Variants in TXNDC12 observed in about 807,000 individuals in gnomAD.
TXNDC12 encodes thioredoxin domain containing 12, also known as thioredoxin domain-containing protein 12.
A neutral mutation model predicts 24.2 loss-of-function variants in TXNDC12; 22 were observed. That is an observed-to-expected ratio of 0.91 (90% CI 0.65 to 1.30). The LOEUF (loss-of-function observed/expected upper bound fraction) is 1.30, where lower values mean the gene tolerates loss of function less well. Ranked by LOEUF, TXNDC12 falls within the 50% of genes most tolerant of loss-of-function variation. The pLI is 0.00. For synonymous variants in TXNDC12, 58 were observed against 73.4 expected, an observed-to-expected ratio of 0.79 and a Z score of 1.07; for missense variants, 184 against 205.8, an observed-to-expected ratio of 0.89 and a Z score of 0.65.
chr1:52,038,876 T>C (rs1040119708), intron 2 of TXNDC12, among the ~76,000 whole-genome samples: 1 of 147,694 alleles, frequency 6.8e-6, no homozygotes. Context: ...GACAACTTCA[T>C]GAATTTTCTT....
intron 2 of TXNDC12, among the ~76,000 whole-genome samples, chr1:52,034,412 T>A (rs1225122918): frequency 6.6e-6 from 1 of 152,178 alleles, no homozygotes; most frequent in Non-Finnish European, 1.5e-5. Context: ...ACTTAGAACT[T>A]GAAAGACAAA....
At chr1:52,030,386 A>T (rs1206977253) in intron 2 of TXNDC12, 2 of 152,118 alleles carry the variant, frequency 1.3e-5, no homozygotes, top group Non-Finnish European at 2.9e-5. Flanking sequence ...CAGAAGTCCG[A>T]CTCCAAAACC....
chr1:52,028,198 G>C (rs1306743486), intron 3 of TXNDC12, among the ~76,000 whole-genome samples: 1 of 152,078 alleles, frequency 6.6e-6, no homozygotes, highest in Non-Finnish European at 1.5e-5. Context: ...GAAAAAGCCT[G>C]TCTGGGGAAG....
chr1:52,021,482 T>C (rs916988674), intron 6 of TXNDC12, among the ~76,000 whole-genome samples: 3 of 135,012 alleles, frequency 2.2e-5, no homozygotes, highest in African/African-American at 8.6e-5. Flanking sequence ...GTGTGTGTGC[T>C]GGGGCGGGGG....
Position 52,055,132 on chromosome 1 carries a change from C to G in TXNDC12, c.-36G>C, listed in dbSNP as rs373217873. ...GCGCGGGGCCACGGGGCTGAGCGGA[C>G]GCAGGGCCGGAGTCCCAGCAGACGG... On this transcript the variant is annotated 5_prime_UTR_variant, in exon 1 of 7. Transcript: ENST00000371626. The G allele has an allele frequency of 8.0e-6, 12 of 1,500,464 alleles. No individual in the cohort carries two copies. Among genetic ancestry groups the G allele is most frequent in the Non-Finnish European group, 1.1e-5 (12 of 1,077,610 alleles). The allele number at this position is 1,500,464 out of a possible 1,614,324, so 92.9% of individuals were successfully genotyped here. A position where few individuals can be genotyped will look rare whatever the true frequency, so the allele number is the denominator to read the frequency against.
intron 6 of TXNDC12, among the ~76,000 whole-genome samples, chr1:52,022,618 G>A (rs955360465): frequency 1.5e-4 from 22 of 146,688 alleles, no homozygotes; most frequent in Non-Finnish European, 3.0e-4. Flanking sequence ...GTCCGTTTAC[G>A]TTTCGGGGTT....
chr1:52,046,564 G>A (rs902950314), intron 1 of TXNDC12, among the ~76,000 whole-genome samples: 9 of 152,074 alleles, frequency 5.9e-5, no homozygotes, highest in Admixed American at 5.9e-4. Context: ...AAATTAGATC[G>A]AATACATACA....
chr1:52,032,435 G>T (rs1184291092), intron 2 of TXNDC12: 2 of 1,231,200 alleles, frequency 1.6e-6, no homozygotes, highest in Non-Finnish European at 2.0e-6. Context: ...TCCAATCTAG[G>T]TAATCCCTGT....
intron 2 of TXNDC12, 45 bp downstream of exon 2, chr1:52,041,492 A>G (rs752605581): frequency 2.8e-6 from 4 of 1,408,364 alleles, no homozygotes; most frequent in Non-Finnish European, 3.0e-6. Context: ...TTGATAGCTG[A>G]AAAGTGTTTT....
intron 2 of TXNDC12, chr1:52,031,992 ACT>A: frequency 3.3e-6 from 1 of 302,230 alleles, no homozygotes; most frequent in East Asian, 1.7e-4. Flanking sequence ...CAAAACATCT[ACT>A]CTCTCAGAAC....
intron 1 of TXNDC12, among the ~76,000 whole-genome samples, chr1:52,048,467 T>C (rs1054798978): frequency 6.7e-6 from 1 of 150,110 alleles, no homozygotes; most frequent in Non-Finnish European, 1.5e-5. Flanking sequence ...CCCTGTTTCT[T>C]TTCTTTAAAA....
At position 52,021,461 on chromosome 1, in the gene TXNDC12, T is replaced by TACTACCTGTGGAGGTTAC. The variant is rs1553234381; in HGVS notation, c.440-450_440-449insGTAACCTCCACAGGTAGT. ...TTTACTTCCTGTGGAGGTTACAGAT[T>TACTACCTGTGGAGGTTAC]ACACTGAGGGGTGTGTGTGCTGGGG... On this transcript the variant is annotated intron_variant, in intron 6 of 6. Coordinates refer to ENST00000371626, the MANE Select transcript of TXNDC12 (RefSeq NM_015913.4). 4.9e-3 allele frequency among the ~76,000 whole-genome samples: 732 copies of TACTACCTGTGGAGGTTAC among 150,430 alleles called. 1 individual carries two copies. Among genetic ancestry groups the TACTACCTGTGGAGGTTAC allele is most frequent in the Non-Finnish European group, 8.0e-3 (542 of 67,846 alleles).
chr1:52,033,215 C>A (rs372891927), intron 2 of TXNDC12: 3 of 1,614,094 alleles, frequency 1.9e-6, no homozygotes, highest in African/African-American at 2.7e-5. Flanking sequence ...GCTGGAGACT[C>A]CGCAGCCCCG....
chr1:52,039,430 C>T (rs953733600), intron 2 of TXNDC12, among the ~76,000 whole-genome samples: 8 of 151,922 alleles, frequency 5.3e-5, no homozygotes, highest in Non-Finnish European at 7.4e-5. Flanking sequence ...CAGGTTCAAG[C>T]GATTCTCCTG....
chr1:52,051,920 C>G (rs1686213727), intron 1 of TXNDC12: 1 of 169,142 alleles, frequency 5.9e-6, no homozygotes, highest in South Asian at 2.0e-4. Context: ...CCAAGAGATA[C>G]ATAAAACAAA....
rs1351457457 is a variant in TXNDC12 at position 52,029,106 on chromosome 1, C to T, written c.159-476G>A. On this transcript the variant is annotated intron_variant, in intron 2 of 6. Transcript: ENST00000371626. Reference sequence around the variant, plus strand: ...CCGCACCACTACACTCCAGCCTGGCCGACAGAACAGACTCTGTCTCAAAGC... The same window carrying T: ...CCGCACCACTACACTCCAGCCTGGCTGACAGAACAGACTCTGTCTCAAAGC... Among the ~76,000 whole-genome samples, 6 of 151,984 alleles carry T rather than the reference C, an allele frequency of 3.9e-5. No individual in the cohort carries two copies. In the East Asian group the frequency reaches 5.8e-4, roughly 15 times the overall value.
At chr1:52,033,166 C>T (rs1685805564) in intron 2 of TXNDC12, 11 of 1,614,224 alleles carry the variant, frequency 6.8e-6, no homozygotes, top group Non-Finnish European at 9.3e-6. Context: ...GGCACCGGAC[C>T]CATGCTTTGC....
chr1:52,044,287 C>CAA (rs1211828548), intron 1 of TXNDC12: 1 of 152,218 alleles, frequency 6.6e-6, no homozygotes, highest in Non-Finnish European at 1.5e-5. Flanking sequence ...GCCCTGAACG[C>CAA]AAGCGTCCAT....
intron 1 of TXNDC12, 87 bp from the exon 2 acceptor site, chr1:52,041,684 A>G: frequency 2.4e-6 from 2 of 844,836 alleles, no homozygotes; most frequent in Non-Finnish European, 3.7e-6. Context: ...CAAGATACCC[A>G]CTAAGAAGGT....
Sources: allele counts gnomAD v4.1 joint callset (sites outside exome capture counted in the v4.1 genomes callset), GRCh38; gene constraint gnomAD v4.1.1; transcripts MANE v1.5; gene names NCBI Gene and HGNC (gene_info 2026-07-23, HGNC 2026-07-21).